The following IMMP2L variants were observed in gnomAD, a reference collection of about 807,000 sequenced individuals.
IMMP2L encodes mitochondrial inner membrane protease subunit 2.
Under a neutral mutation model 19.3 loss-of-function variants are expected in IMMP2L, and 18 were observed. That is an observed-to-expected ratio of 0.93 (90% CI 0.64 to 1.38). The LOEUF (loss-of-function observed/expected upper bound fraction) is 1.38, where lower values mean the gene tolerates loss of function less well. Ranked by LOEUF, IMMP2L falls within the 40% of genes most tolerant of loss-of-function variation. The pLI is 0.00. For missense variants in IMMP2L, 233 were observed against 218.2 expected, an observed-to-expected ratio of 1.07 and a Z score of -0.43; for synonymous variants, 76 against 73.0, an observed-to-expected ratio of 1.04 and a Z score of -0.21.
intron 3 of IMMP2L, among the ~76,000 whole-genome samples, chr7:111,475,317 A>C (rs1183083668): frequency 6.6e-6 from 1 of 152,050 alleles, no homozygotes; most frequent in Non-Finnish European, 1.5e-5. Context: ...GCACTGATAA[A>C]ATTTGGTGGG....
chr7:111,123,560 A>C lies in IMMP2L; in HGVS notation c.240-159995T>G, dbSNP rs769437944. On this transcript the variant is annotated intron_variant, in intron 3 of 5. Coordinates refer to ENST00000405709, the MANE Select transcript of IMMP2L (RefSeq NM_032549.4). This position sits in a 1 kb window ranked among gnomAD's most constrained non-coding sequence, Gnocchi z 6.4. ...GCTCTTCAAAAAGTTGTAAATCTCA[A>C]ATTTTTGGATCTAAATAAAAATCCT... 7 of 1,613,770 alleles carry C rather than the reference A, an allele frequency of 4.3e-6. No homozygotes were observed. Among genetic ancestry groups the C allele is most frequent in the African/African-American group, 1.3e-5 (1 of 75,020 alleles).
chr7:110,702,896 C>A (rs1220460321), intron 5 of IMMP2L, among the ~76,000 whole-genome samples: 1 of 151,990 alleles, frequency 6.6e-6, no homozygotes, highest in African/African-American at 2.4e-5. Flanking sequence ...TCTCTCATTT[C>A]TTTTTCTTGT....
intron 3 of IMMP2L, among the ~76,000 whole-genome samples, chr7:111,217,118 T>TCA (rs1160755759): frequency 1.8e-3 from 264 of 144,446 alleles, no homozygotes; most frequent in African/African-American, 6.8e-3. Flanking sequence ...TCTCTCTCTC[T>TCA]CTCTCTCTCA....
At chr7:110,798,944 T>C (rs1221468907) in intron 5 of IMMP2L, among the ~76,000 whole-genome samples, 1 of 152,038 alleles carries the variant, frequency 6.6e-6, no homozygotes, top group Non-Finnish European at 1.5e-5. Flanking sequence ...AGGCTTTTCA[T>C]GTGGTCCTTT....
chr7:111,079,855 G>A lies in IMMP2L; in HGVS notation c.240-116290C>T, dbSNP rs921615161. Among the ~76,000 whole-genome samples the A allele has an allele frequency of 3.9e-5, 6 of 152,246 alleles. No homozygotes were observed. In the East Asian group the frequency reaches 1.2e-3, roughly 29 times the overall value. On this transcript the variant is annotated intron_variant, in intron 3 of 5. Transcript: ENST00000405709. ...TGGTTTAGATAAAGTCATTAGAGCT[G>A]AGCTCCCATAATGAGACTGGTAGCT...
intron 3 of IMMP2L, among the ~76,000 whole-genome samples, chr7:111,360,985 A>C (rs1282488253): frequency 6.6e-6 from 1 of 152,056 alleles, no homozygotes; most frequent in African/African-American, 2.4e-5. Flanking sequence ...TCTCAATCTT[A>C]ATTTCCAATA....
chr7:111,467,820 C>G (rs1840825678), intron 3 of IMMP2L, among the ~76,000 whole-genome samples: 1 of 152,122 alleles, frequency 6.6e-6, no homozygotes, highest in African/African-American at 2.4e-5. Context: ...TTTAGCACTT[C>G]TTAAAGGTCT....
chr7:111,536,887 T>A (rs1441474448), intron 1 of IMMP2L, among the ~76,000 whole-genome samples: 1 of 152,162 alleles, frequency 6.6e-6, no homozygotes, highest in Non-Finnish European at 1.5e-5. Context: ...TTAATTATCA[T>A]TAGTAGTACT....
At chr7:110,753,939 G>T (rs1464436875) in intron 5 of IMMP2L, among the ~76,000 whole-genome samples, 1 of 151,952 alleles carries the variant, frequency 6.6e-6, no homozygotes, top group African/African-American at 2.4e-5. Context: ...TTTACTTCTT[G>T]TCATAAAGGT....
intron 3 of IMMP2L, among the ~76,000 whole-genome samples, chr7:111,452,835 T>C (rs2131931078): frequency 6.6e-6 from 1 of 152,286 alleles, no homozygotes; most frequent in South Asian, 2.1e-4. Context: ...AGTACTCTTT[T>C]CTATAGTACT....
intron 5 of IMMP2L, among the ~76,000 whole-genome samples, chr7:110,744,057 C>A (rs1441544249): frequency 6.6e-6 from 1 of 152,134 alleles, no homozygotes; most frequent in Non-Finnish European, 1.5e-5. Context: ...ACCTGGGACA[C>A]CTGAGCTTGG....
At chr7:110,969,533 C>A (rs1021350234) in intron 3 of IMMP2L, among the ~76,000 whole-genome samples, 1 of 151,884 alleles carries the variant, frequency 6.6e-6, no homozygotes, top group Non-Finnish European at 1.5e-5. Flanking sequence ...TCATTACTGG[C>A]AAAATGACGT....
chr7:110,766,301 G>A (rs1302036408), intron 5 of IMMP2L, among the ~76,000 whole-genome samples: 1 of 152,106 alleles, frequency 6.6e-6, no homozygotes, highest in Non-Finnish European at 1.5e-5. Flanking sequence ...AAATTAAACA[G>A]TAAATGTGGC....
In IMMP2L at chr7:110,951,819, G is replaced by A. The variant is rs184450437; in HGVS notation, c.305+11681C>T. ...TTTTATACACTTTTTTAATAAAAAT[G>A]TAAAAGCATCCATAACTAATTAAAT... is the stretch of plus-strand genomic sequence containing the variant. On this transcript the variant is annotated intron_variant, in intron 4 of 5. Coordinates refer to ENST00000405709, the MANE Select transcript of IMMP2L (RefSeq NM_032549.4). Among the ~76,000 whole-genome samples the A allele has an allele frequency of 2.8e-3, 428 of 152,120 alleles. 1 individual carries two copies. The highest frequency in any genetic ancestry group is 4.8e-3 in the Non-Finnish European group (326 of 67,962).
chr7:110,999,163 T>C (rs1283907466), intron 3 of IMMP2L, among the ~76,000 whole-genome samples: 3 of 152,144 alleles, frequency 2.0e-5, no homozygotes, highest in Non-Finnish European at 4.4e-5. Flanking sequence ...TTGAAGCTTT[T>C]ATAATCTCAT....
At chr7:111,061,866 G>A (rs1050278327) in intron 3 of IMMP2L, among the ~76,000 whole-genome samples, 6 of 152,090 alleles carry the variant, frequency 3.9e-5, no homozygotes, top group African/African-American at 7.2e-5. Context: ...TTTACTTACA[G>A]GAGTCTAGCT....
At chr7:111,271,400 A>C (rs80154997) in intron 3 of IMMP2L, among the ~76,000 whole-genome samples, 1,628 of 152,250 alleles carry the variant, frequency 0.011, 29 homozygotes, top group African/African-American at 0.036. Context: ...ATTCATCACA[A>C]ATTAAGACTG....
intron 2 of IMMP2L, among the ~76,000 whole-genome samples, chr7:111,492,783 C>T (rs1393104423): frequency 1.3e-5 from 2 of 152,178 alleles, no homozygotes; most frequent in South Asian, 2.1e-4. Context: ...TTAGAATCAA[C>T]AGTCAACACC....
At position 111,243,516 on chromosome 7, in the gene IMMP2L, T is replaced by TA. The variant is rs200147645; in HGVS notation, c.239+243721_239+243722insT. On this transcript the variant is annotated intron_variant, in intron 3 of 5. Coordinates refer to ENST00000405709, the MANE Select transcript of IMMP2L (RefSeq NM_032549.4). ...AACTCTATATTTCTTGTTGCTTTAT[T>TA]TTTTTTTTTTTTATTATACTCTAAG... Among the ~76,000 whole-genome samples, 323 of 127,612 alleles carry TA rather than the reference T, an allele frequency of 2.5e-3. 6 individuals are homozygous for TA. In the East Asian group the frequency reaches 0.045, roughly 18 times the overall value. 83.7% of individuals were successfully genotyped at this position (127,612 alleles called of 152,430 possible).
Sources: gnomAD v4.1 joint callset for allele counts (sites outside exome capture counted in the v4.1 genomes callset) on GRCh38, gnomAD v4.1.1 for gene constraint, Gnocchi (gnomAD v3.1) non-coding constraint, MANE v1.5 for transcripts, NCBI Gene and HGNC (gene_info 2026-07-23, HGNC 2026-07-21) for gene names.